HMCN1: variants seen among roughly 807,000 people sequenced by gnomAD.
HMCN1 encodes the protein hemicentin-1.
HMCN1 carries 321 observed loss-of-function variants against 625.9 expected under a neutral mutation model. The ratio of observed to expected loss-of-function variants is 0.51; its 90% CI spans 0.47 to 0.56. HMCN1 has a LOEUF of 0.56. Ranked by LOEUF, HMCN1 falls within the 20% of genes least tolerant of loss-of-function variation. HMCN1 has a pLI of 0.00. For synonymous variants in HMCN1, 2,425 were observed against 2,417.6 expected, an observed-to-expected ratio of 1.00 and a Z score of -0.09; for missense variants, 6,588 against 6,887.3, an observed-to-expected ratio of 0.96 and a Z score of 1.54.
chr1:185,859,128 T>TTGTGTGTGTG (rs59835697), intron 2 of HMCN1, among the ~76,000 whole-genome samples: 4 of 138,290 alleles, frequency 2.9e-5, no homozygotes, highest in African/African-American at 1.0e-4. Flanking sequence ...TTTATAAACT[T>TTGTGTGTGTG]TGTGTGTGTG....
At chr1:185,939,839 CAAAA>C (rs989924554) in intron 11 of HMCN1, among the ~76,000 whole-genome samples, 1 of 151,854 alleles carries the variant, frequency 6.6e-6, no homozygotes, top group Non-Finnish European at 1.5e-5. Flanking sequence ...TAATGCCTCT[CAAAA>C]AGAAAAGCAA....
In HMCN1 at chr1:186,117,453, T is replaced by C; in HGVS notation, c.11684-6T>C. 6.2e-7 allele frequency: 1 copy of C among 1,613,400 alleles called. No homozygotes were observed. Among genetic ancestry groups the C allele is most frequent in the Non-Finnish European group, 8.5e-7 (1 of 1,179,548 alleles). ...TTTTCCCTTTTTGTTGTTGTTGTTG[T>C]TTTAGTTCCACCTTCCATAGCTGAT... On this transcript the variant is annotated splice_polypyrimidine_tract_variant and splice_region_variant and intron_variant, in intron 76 of 106. Transcript: ENST00000271588.
Position 186,172,039 on chromosome 1 carries a change from C to T in HMCN1, c.15722C>T (p.Pro5241Leu). The T allele has an allele frequency of 6.2e-7, 1 of 1,613,440 alleles. No individual in the cohort carries two copies. Among genetic ancestry groups the T allele is most frequent in the Non-Finnish European group, 8.5e-7 (1 of 1,179,560 alleles). Reference protein sequence around the residue: ...VNECRQNVCRPDQHCKNTRGG... With the variant: ...VNECRQNVCRLDQHCKNTRGG... ...GAGTGTAGACAAAATGTATGCAGACCAGATCAGCACTGTAAGAACACCCGT... is the reference window on the plus strand; with the variant it reads ...GAGTGTAGACAAAATGTATGCAGACTAGATCAGCACTGTAAGAACACCCGT... The change falls in exon 102 of 107, where the codon CCA becomes CTA. Residue 5241 changes from proline (P) to leucine (L), a missense_variant. This residue lies in a region of HMCN1 where 1,954 missense variants were observed against 2,013.1 expected (regional missense o/e 0.97). Coordinates refer to ENST00000271588, the MANE Select transcript of HMCN1 (RefSeq NM_031935.3).
At chr1:185,853,537 T>C (rs1301597368) in intron 2 of HMCN1, among the ~76,000 whole-genome samples, 2 of 152,138 alleles carry the variant, frequency 1.3e-5, no homozygotes, top group African/African-American at 4.8e-5. Context: ...GAGTTTTCTA[T>C]TAGAGTTTCT....
chr1:186,102,988 C>T (rs562254551), intron 68 of HMCN1, among the ~76,000 whole-genome samples: 1 of 152,146 alleles, frequency 6.6e-6, no homozygotes, highest in Non-Finnish European at 1.5e-5. Context: ...CCAAATGTAA[C>T]TATTTTTTCT....
intron 1 of HMCN1, among the ~76,000 whole-genome samples, chr1:185,746,295 T>C (rs1654389370): frequency 6.6e-6 from 1 of 152,230 alleles, no homozygotes; most frequent in South Asian, 2.1e-4. Context: ...AAGTTCTTTG[T>C]GCTTCAGTTT....
chr1:185,868,209 C>T (rs554886724), intron 4 of HMCN1, among the ~76,000 whole-genome samples: 27 of 152,144 alleles, frequency 1.8e-4, no homozygotes, highest in Non-Finnish European at 2.9e-4. Context: ...CATTTATATC[C>T]ACATACCCAA....
intron 36 of HMCN1, among the ~76,000 whole-genome samples, chr1:186,023,806 G>T (rs149728473): frequency 1.1e-4 from 16 of 152,164 alleles, no homozygotes; most frequent in African/African-American, 3.6e-4. Context: ...TTCTTCTTCA[G>T]CCTTTTATTA....
chr1:185,851,163 C>G (rs1571445651), intron 2 of HMCN1, among the ~76,000 whole-genome samples: 1 of 152,002 alleles, frequency 6.6e-6, no homozygotes, highest in East Asian at 1.9e-4. Flanking sequence ...GATTTTCAAA[C>G]CCTTCTCCAG....
chr1:185,836,804 C>G (rs1661197700), intron 1 of HMCN1, among the ~76,000 whole-genome samples: 1 of 151,870 alleles, frequency 6.6e-6, no homozygotes, highest in African/African-American at 2.4e-5. Flanking sequence ...TCAAGTAGAC[C>G]TGGTGTCTAT....
intron 41 of HMCN1, 72 bp downstream of exon 41, chr1:186,045,935 C>T (rs927571787): frequency 1.1e-5 from 12 of 1,073,676 alleles, no homozygotes; most frequent in Non-Finnish European, 1.7e-5. Context: ...CCCTATTTAG[C>T]GTGACTGTCT....
At chr1:185,776,384 G>A (rs1656610137) in intron 1 of HMCN1, among the ~76,000 whole-genome samples, 1 of 151,944 alleles carries the variant, frequency 6.6e-6, no homozygotes, top group African/African-American at 2.4e-5. Context: ...CTGGGTAAGT[G>A]AGGAACATGC....
In HMCN1 at chr1:185,944,615, C is replaced by T. The variant is rs1668244922; in HGVS notation, c.1828+10791C>T. On this transcript the variant is annotated intron_variant, in intron 11 of 106. Coordinates refer to ENST00000271588, the MANE Select transcript of HMCN1 (RefSeq NM_031935.3). ...TTTATAGAATGGCCCAGGTATATGG[C>T]AACAGTTTGGTGAATCCTTTGACTT... Among the ~76,000 whole-genome samples the T allele has an allele frequency of 1.3e-5, 2 of 152,178 alleles. 1 individual carries two copies. The highest frequency in any genetic ancestry group is 4.1e-4 in the South Asian group (2 of 4,830).
rs1193501890 is a variant in HMCN1 at position 186,166,907 on chromosome 1, G to C, written c.15539G>C (p.Gly5180Ala). 1 of 1,614,116 alleles carries C rather than the reference G, an allele frequency of 6.2e-7. No homozygotes were observed. The highest frequency in any genetic ancestry group is 1.7e-5 in the Admixed American group (1 of 60,018). The change falls in exon 100 of 107, where the codon GGC becomes GCC. Residue 5180 changes from glycine (G) to alanine (A), a missense_variant. Around this residue, in one of 3 missense-constraint regions of HMCN1, gnomAD observed 1,954 missense variants for 2,013.1 expected, o/e 0.97. Transcript: ENST00000271588. ...CGCTGTGTGGTCCGTTGTGGAAGTG[G>C]CTTTCGAAGAACCTCTGATGGGCTG... ...SYRCVVRCGS[G>A]FRRTSDGLSC...
At chr1:185,997,706 C>T (rs1652901366) in intron 25 of HMCN1, among the ~76,000 whole-genome samples, 182 bp downstream of exon 25, 1 of 151,964 alleles carries the variant, frequency 6.6e-6, no homozygotes, top group South Asian at 2.1e-4. Context: ...TTTTTCCTTG[C>T]AGGTATTTTA....
intron 4 of HMCN1, among the ~76,000 whole-genome samples, chr1:185,884,869 G>A (rs112469006): frequency 0.016 from 2,424 of 152,052 alleles, 49 homozygotes; most frequent in African/African-American, 0.055. Flanking sequence ...TTAAAGAATG[G>A]CATTGATCGT....
At chr1:185,914,319 GATATT>G (rs1045739372) in intron 6 of HMCN1, among the ~76,000 whole-genome samples, 1 of 152,090 alleles carries the variant, frequency 6.6e-6, no homozygotes, top group African/African-American at 2.4e-5. Context: ...AGAAATGTCT[GATATT>G]AGATAGTGTT....
At chr1:186,152,446 T>G (rs775944429) in intron 95 of HMCN1, among the ~76,000 whole-genome samples, 1 of 152,252 alleles carries the variant, frequency 6.6e-6, no homozygotes, top group Non-Finnish European at 1.5e-5. Context: ...CTAGTGGTTT[T>G]TGCCAGTCAC....
intron 1 of HMCN1, among the ~76,000 whole-genome samples, chr1:185,790,309 A>C (rs1232255579): frequency 6.6e-6 from 1 of 152,226 alleles, no homozygotes; most frequent in African/African-American, 2.4e-5. Context: ...GTTGCCAACA[A>C]CATGCTTGTT....
Sources: gnomAD v4.1 joint callset for allele counts (sites outside exome capture counted in the v4.1 genomes callset) on GRCh38, gnomAD v4.1.1 for gene constraint, gnomAD v4.1.1 regional missense constraint, MANE v1.5 for transcripts, NCBI Gene and HGNC (gene_info 2026-07-23, HGNC 2026-07-21) for gene names.